Variants in GPR137C observed in about 807,000 individuals in gnomAD.
The protein encoded by GPR137C is G protein-coupled receptor 137C, also known as integral membrane protein GPR137C.
In GPR137C, 27 loss-of-function variants were observed where a neutral mutation model predicts 43.4. The ratio of observed to expected loss-of-function variants is 0.62; its 90% CI spans 0.46 to 0.86. GPR137C has a LOEUF of 0.86. Ranked by LOEUF, GPR137C falls within the 40% of genes least tolerant of loss-of-function variation. The pLI is 0.00. For synonymous variants in GPR137C, 285 were observed against 226.9 expected, an observed-to-expected ratio of 1.26 and a Z score of -2.30; for missense variants, 522 against 534.6, an observed-to-expected ratio of 0.98 and a Z score of 0.23.
intron 1 of GPR137C, among the ~76,000 whole-genome samples, chr14:52,594,759 G>C (rs1011373673): frequency 7.9e-5 from 12 of 152,082 alleles, no homozygotes; most frequent in Admixed American, 7.2e-4. Context: ...AATGGGTCTT[G>C]ACTCTTTATC....
intron 1 of GPR137C, among the ~76,000 whole-genome samples, chr14:52,586,254 C>T (rs747804435): frequency 5.9e-5 from 9 of 152,182 alleles, no homozygotes; most frequent in Non-Finnish European, 7.4e-5. Flanking sequence ...AAGATCCAGA[C>T]CATGCAAAAA....
intron 3 of GPR137C, among the ~76,000 whole-genome samples, chr14:52,627,248 C>T (rs929642732): frequency 1.3e-5 from 2 of 151,936 alleles, no homozygotes; most frequent in Admixed American, 1.3e-4. Flanking sequence ...TTAAAATTAG[C>T]CAGACATGGT....
At chr14:52,567,910 G>C (rs549486367) in intron 1 of GPR137C, among the ~76,000 whole-genome samples, 137 of 152,058 alleles carry the variant, frequency 9.0e-4, no homozygotes, top group African/African-American at 2.7e-3. Context: ...TGCCCGCCTG[G>C]GTCTCCCAAA....
chr14:52,596,502 T>G (rs2038857635), intron 1 of GPR137C, among the ~76,000 whole-genome samples: 1 of 152,208 alleles, frequency 6.6e-6, no homozygotes, highest in South Asian at 2.1e-4. Flanking sequence ...CTGGCTGGTT[T>G]GTTTACCTAT....
intron 3 of GPR137C, among the ~76,000 whole-genome samples, chr14:52,621,347 A>G (rs1033118828): frequency 4.6e-5 from 7 of 151,832 alleles, no homozygotes; most frequent in African/African-American, 1.7e-4. Flanking sequence ...AGAAATAAAA[A>G]CATTTCCAGA....
intron 1 of GPR137C, among the ~76,000 whole-genome samples, chr14:52,584,359 A>G (rs773124827): frequency 3.9e-5 from 6 of 152,168 alleles, no homozygotes; most frequent in Middle Eastern, 3.2e-3. Flanking sequence ...TAAAGGTTGC[A>G]TAGTTGTTTT....
At position 52,553,272 on chromosome 14, in the gene GPR137C, C is replaced by A; in HGVS notation, c.125C>A (p.Pro42Gln). 4.8e-6 allele frequency: 7 copies of A among 1,463,754 alleles called. No homozygotes were observed. Among genetic ancestry groups the A allele is most frequent in the Non-Finnish European group, 6.3e-6 (7 of 1,106,386 alleles). The allele number at this position is 1,463,754 out of a possible 1,614,324, so 90.7% of individuals were successfully genotyped here. A position where few individuals can be genotyped will look rare whatever the true frequency, so the allele number is the denominator to read the frequency against. ...AVAAASGAAVPGSVQLALSVL... is the reference protein window; with the variant it reads ...AVAAASGAAVQGSVQLALSVL... ...GCTGCAGCCTCAGGCGCCGCGGTGCCGGGCTCCGTGCAGTTGGCGCTGAGC... is the reference window on the plus strand; with the variant it reads ...GCTGCAGCCTCAGGCGCCGCGGTGCAGGGCTCCGTGCAGTTGGCGCTGAGC... The change falls in exon 1 of 7, where the codon CCG becomes CAG. Residue 42 changes from proline to glutamine, a missense_variant. Around this residue, in one of 3 missense-constraint regions of GPR137C, gnomAD observed 437 missense variants for 425.7 expected, o/e 1.03. Coordinates refer to ENST00000321662, the MANE Select transcript of GPR137C (RefSeq NM_001099652.2).
At chr14:52,553,646 A>C in intron 1 of GPR137C, 55 bp downstream of exon 1, 1 of 1,211,812 alleles carries the variant, frequency 8.3e-7, no homozygotes, top group South Asian at 1.5e-5. Flanking sequence ...GGCCGCCGGG[A>C]TCAACTCCCG....
At chr14:52,587,821 G>A (rs1186362230) in intron 1 of GPR137C, among the ~76,000 whole-genome samples, 27 of 152,078 alleles carry the variant, frequency 1.8e-4, no homozygotes, top group Non-Finnish European at 4.4e-5. Context: ...TAAGTTTGAA[G>A]GTAGGCCTAA....
chr14:52,595,634 C>T (rs566716324), intron 1 of GPR137C, among the ~76,000 whole-genome samples: 1 of 152,282 alleles, frequency 6.6e-6, no homozygotes, highest in East Asian at 1.9e-4. Context: ...GTGCATGCAT[C>T]ACGAAGTTCT....
chr14:52,630,783 A>C (rs764639200), intron 3 of GPR137C, among the ~76,000 whole-genome samples: 3 of 152,182 alleles, frequency 2.0e-5, no homozygotes, highest in Non-Finnish European at 4.4e-5. Flanking sequence ...TGGATTTTTA[A>C]CCTACCTACA....
chr14:52,577,134 C>T (rs548508960), intron 1 of GPR137C, among the ~76,000 whole-genome samples: 99 of 127,916 alleles, frequency 7.7e-4, no homozygotes, highest in African/African-American at 2.8e-3. Context: ...TTGCAATAAG[C>T]CAAATTCGTG....
At chr14:52,587,543 G>A (rs2038728408) in intron 1 of GPR137C, among the ~76,000 whole-genome samples, 1 of 152,214 alleles carries the variant, frequency 6.6e-6, no homozygotes, top group Non-Finnish European at 1.5e-5. Context: ...GGCTGAGGCT[G>A]GCAGATCATT....
At chr14:52,626,266 C>A (rs923218465) in intron 3 of GPR137C, among the ~76,000 whole-genome samples, 6 of 152,008 alleles carry the variant, frequency 3.9e-5, no homozygotes, top group African/African-American at 1.4e-4. Flanking sequence ...AGACTAGTGT[C>A]CCTAATACTT....
intron 3 of GPR137C, chr14:52,612,299 T>C: frequency 1.1e-6 from 1 of 898,742 alleles, no homozygotes; most frequent in Non-Finnish European, 1.3e-6. Flanking sequence ...TAGTAAAGGA[T>C]TTTCTCATGC....
intron 1 of GPR137C, among the ~76,000 whole-genome samples, chr14:52,556,795 T>G (rs2038201616): frequency 6.6e-6 from 1 of 152,128 alleles, no homozygotes; most frequent in African/African-American, 2.4e-5. Context: ...AATTTTTTTT[T>G]TTAATGAGAG....
At chr14:52,611,317 A>G (rs1474107940) in intron 3 of GPR137C, among the ~76,000 whole-genome samples, 2 of 151,890 alleles carry the variant, frequency 1.3e-5, no homozygotes, top group Admixed American at 6.6e-5. Flanking sequence ...ATTTCTGTTT[A>G]TATTAAAATG....
intron 1 of GPR137C, among the ~76,000 whole-genome samples, chr14:52,561,037 T>C (rs1387065954): frequency 6.6e-6 from 1 of 152,118 alleles, no homozygotes; most frequent in African/African-American, 2.4e-5. Context: ...ACAAAGGATT[T>C]GAACAGATAC....
At chr14:52,630,139 G>A (rs1268282485) in intron 3 of GPR137C, among the ~76,000 whole-genome samples, 1 of 152,054 alleles carries the variant, frequency 6.6e-6, no homozygotes, top group Non-Finnish European at 1.5e-5. Context: ...GTCTTTCATT[G>A]TTTTATGTAT....
Sources: gnomAD v4.1 joint callset for allele counts (sites outside exome capture counted in the v4.1 genomes callset) on GRCh38, gnomAD v4.1.1 for gene constraint, gnomAD v4.1.1 regional missense constraint, MANE v1.5 for transcripts, NCBI Gene and HGNC (gene_info 2026-07-23, HGNC 2026-07-21) for gene names.